Variants in SPMIP3 observed in about 807,000 individuals in gnomAD.
The protein encoded by SPMIP3 is protein SPMIP3.
chr1:244,377,921 T>C, the SPMIP3 span, among the ~76,000 whole-genome samples: 2 of 152,158 alleles, frequency 1.3e-5, 1 homozygote, highest in African/African-American at 4.8e-5. Context: ...TCCTCCCACC[T>C]GAGCCTCCCT....
chr1:244,358,091 A>T, the SPMIP3 span, among the ~76,000 whole-genome samples: 24 of 151,714 alleles, frequency 1.6e-4, no homozygotes, highest in Admixed American at 1.4e-3. Flanking sequence ...TTAGTCAGGC[A>T]TGGTGGTACA....
chr1:244,389,046 A>C, the SPMIP3 span: 3 of 1,613,462 alleles, frequency 1.9e-6, no homozygotes, highest in Admixed American at 3.3e-5. Context: ...CAGCTTTGAA[A>C]GAAATGCTTT....
chr1:244,385,746 A>AC, the SPMIP3 span, among the ~76,000 whole-genome samples: 761 of 25,452 alleles, frequency 0.03, 10 homozygotes, highest in African/African-American at 0.16. Context: ...GATCAAGAAT[A>AC]ATGTATGCCA....
At chr1:244,361,696 A>G in the SPMIP3 span, among the ~76,000 whole-genome samples, 2 of 152,180 alleles carry the variant, frequency 1.3e-5, no homozygotes, top group African/African-American at 4.8e-5. Flanking sequence ...TACATCTCTT[A>G]TATATCTATA....
the SPMIP3 span, among the ~76,000 whole-genome samples, chr1:244,368,467 T>C: frequency 5.3e-5 from 8 of 152,340 alleles, no homozygotes; most frequent in Middle Eastern, 3.4e-3. Context: ...CTGGCGGACA[T>C]GGGACTTAAA....
chr1:244,375,565 C>A, the SPMIP3 span: 2 of 726,564 alleles, frequency 2.8e-6, no homozygotes, highest in South Asian at 2.1e-5. Context: ...CCTCATAATA[C>A]TGATGATAGC....
chr1:244,379,996 C>CTTT, the SPMIP3 span, among the ~76,000 whole-genome samples: 30 of 151,904 alleles, frequency 2.0e-4, no homozygotes, highest in Admixed American at 1.9e-3. Context: ...GGGACTGAGG[C>CTTT]TCCCCGACGT....
chr1:244,361,235 C>CTTTCTTTTTTTTTT, the SPMIP3 span, among the ~76,000 whole-genome samples: 3 of 119,314 alleles, frequency 2.5e-5, no homozygotes, highest in African/African-American at 9.1e-5. Context: ...TTCTTTCTTT[C>CTTTCTTTTTTTTTT]TTTTTTTTTT....
the SPMIP3 span, among the ~76,000 whole-genome samples, chr1:244,373,603 AT>A: frequency 6.6e-6 from 1 of 151,636 alleles, no homozygotes; most frequent in Non-Finnish European, 1.5e-5. Flanking sequence ...AATAATAGAT[AT>A]TTTGTAATAT....
chr1:244,378,737 G>A, the SPMIP3 span: 1 of 1,330,554 alleles, frequency 7.5e-7, no homozygotes, highest in Non-Finnish European at 1.0e-6. Context: ...GAGCCTGTTT[G>A]GGACCAGTCG....
chr1:244,358,052 A>G, the SPMIP3 span, among the ~76,000 whole-genome samples: 3 of 151,674 alleles, frequency 2.0e-5, no homozygotes, highest in East Asian at 5.9e-4. Flanking sequence ...GTGAAACCCC[A>G]TCTCTACTAA....
chr1:244,361,521 G>A, the SPMIP3 span, among the ~76,000 whole-genome samples: 4 of 151,910 alleles, frequency 2.6e-5, no homozygotes, highest in Admixed American at 2.6e-4. Context: ...GAGCCACCGC[G>A]CCCGGCCTGT....
At chr1:244,355,735 G>A in the SPMIP3 span, among the ~76,000 whole-genome samples, 3 of 152,148 alleles carry the variant, frequency 2.0e-5, no homozygotes, top group Non-Finnish European at 4.4e-5. Flanking sequence ...AAGTCCTGCT[G>A]GGATTTTGTT....
the SPMIP3 span, among the ~76,000 whole-genome samples, chr1:244,364,385 G>A: frequency 1.3e-5 from 2 of 152,084 alleles, no homozygotes; most frequent in Non-Finnish European, 2.9e-5. Flanking sequence ...GATTACAGGC[G>A]TGAGCCACCA....
the SPMIP3 span, among the ~76,000 whole-genome samples, chr1:244,377,469 C>T: frequency 1.3e-5 from 2 of 152,176 alleles, no homozygotes; most frequent in African/African-American, 2.4e-5. Context: ...ATTTCTGCGT[C>T]ATTGTCTAAA....
the SPMIP3 span, among the ~76,000 whole-genome samples, chr1:244,358,910 G>A: frequency 1.3e-5 from 2 of 152,120 alleles, no homozygotes; most frequent in Non-Finnish European, 2.9e-5. Context: ...AAAATTAAAT[G>A]TTTTCAGGGA....
the SPMIP3 span, among the ~76,000 whole-genome samples, chr1:244,371,650 G>A: frequency 6.6e-6 from 1 of 152,162 alleles, no homozygotes; most frequent in African/African-American, 2.4e-5. Context: ...TATTCAGCAG[G>A]TGTTTGTTTG....
At chr1:244,386,825 T>C in the SPMIP3 span, among the ~76,000 whole-genome samples, 4 of 152,174 alleles carry the variant, frequency 2.6e-5, no homozygotes, top group African/African-American at 9.7e-5. Context: ...GAATGCAGAC[T>C]AGAACAGTGA....
the SPMIP3 span, chr1:244,378,783 G>A: frequency 0.084 from 76,425 of 914,982 alleles, 3,742 homozygotes; most frequent in East Asian, 0.19. Flanking sequence ...TGTGTTTCTG[G>A]GGTGCAGGAA....
Sources: gnomAD v4.1 joint callset for allele counts (sites outside exome capture counted in the v4.1 genomes callset) on GRCh38, gnomAD v4.1.1 for gene constraint, MANE v1.5 for transcripts, NCBI Gene and HGNC (gene_info 2026-07-23, HGNC 2026-07-21) for gene names.